CARHSP1: variants seen among roughly 807,000 people sequenced by gnomAD.
CARHSP1 encodes the protein calcium-regulated heat-stable protein 1.
A neutral mutation model predicts 12.5 loss-of-function variants in CARHSP1; 14 were observed. That is an observed-to-expected ratio of 1.12 (90% CI 0.74 to 1.75). The LOEUF (loss-of-function observed/expected upper bound fraction) is 1.75, where lower values mean the gene tolerates loss of function less well. Among genes scored for constraint, CARHSP1 ranks in the 40% most tolerant of loss-of-function variants. The pLI is 0.00. For missense variants in CARHSP1, 343 were observed against 201.6 expected (o/e 1.70, Z -4.25); for synonymous variants, 161 against 82.0 (o/e 1.96, Z -5.20).
chr16:8,865,181 T>C (rs1402507780), intron 1 of CARHSP1, among the ~76,000 whole-genome samples: 1 of 152,176 alleles, frequency 6.6e-6, no homozygotes, highest in African/African-American at 2.4e-5. Context: ...CAATCTCAGC[T>C]CACTGCAGAC....
chr16:8,865,018 C>T (rs2061431141), intron 1 of CARHSP1, among the ~76,000 whole-genome samples: 1 of 152,214 alleles, frequency 6.6e-6, no homozygotes, highest in Non-Finnish European at 1.5e-5. Context: ...CAATGGGAGC[C>T]AAGCAGCCCT....
chr16:8,864,362 T>C (rs1220223060), intron 1 of CARHSP1, among the ~76,000 whole-genome samples: 1 of 152,158 alleles, frequency 6.6e-6, no homozygotes, highest in Non-Finnish European at 1.5e-5. Context: ...CTTGATGAAC[T>C]CTGCCACTTC....
chr16:8,858,143 C>G (rs1392973524), intron 3 of CARHSP1: 1 of 613,326 alleles, frequency 1.6e-6, no homozygotes, highest in Non-Finnish European at 2.8e-6. Context: ...GCCTCACATC[C>G]CCCAACACAG....
At chr16:8,865,200 C>T (rs187671666) in intron 1 of CARHSP1, among the ~76,000 whole-genome samples, 78 of 152,292 alleles carry the variant, frequency 5.1e-4, no homozygotes, top group Admixed American at 1.4e-3. Flanking sequence ...ACCCCCGCCC[C>T]CCAGGTTCAA....
At position 8,853,164 on chromosome 16, in the gene CARHSP1, A is replaced by ACAGGAAGGACAGAGTAAGAGCCG. The variant is rs2060992010; in HGVS notation, c.*1977_*1999dup. On this transcript the variant is annotated 3_prime_UTR_variant, in exon 4 of 4. Transcript: ENST00000311052. ...CATTGATTGAAAGAGCTGTGGCCAA[A>ACAGGAAGGACAGAGTAAGAGCCG]CAGGAAGGACAGAGTAAGAGCCGCT... 1 of 152,030 alleles carries ACAGGAAGGACAGAGTAAGAGCCG rather than the reference A, an allele frequency of 6.6e-6. No individual in the cohort carries two copies. Among genetic ancestry groups the ACAGGAAGGACAGAGTAAGAGCCG allele is most frequent in the East Asian group, 1.9e-4 (1 of 5,168 alleles). 9.4% of individuals were successfully genotyped at this position (152,030 alleles called of 1,614,324 possible). A position where few individuals can be genotyped will look rare whatever the true frequency, so the allele number is the denominator to read the frequency against.
chr16:8,858,574 A>C (rs2061232190), intron 2 of CARHSP1, 102 bp from the exon 3 acceptor site: 2 of 1,439,136 alleles, frequency 1.4e-6, no homozygotes, highest in Non-Finnish European at 1.9e-6. Flanking sequence ...AGCCCTGGCC[A>C]GGACCGCCAT....
intron 1 of CARHSP1, among the ~76,000 whole-genome samples, chr16:8,864,161 GTGTA>G (rs1331836626): frequency 5.3e-5 from 8 of 152,212 alleles, no homozygotes; most frequent in Admixed American, 1.3e-4. Context: ...GTATGCACAT[GTGTA>G]TGTGTGTGCT....
At chr16:8,858,647 T>A (rs540992546) in intron 2 of CARHSP1, 175 bp from the exon 3 acceptor site, 2 of 743,626 alleles carry the variant, frequency 2.7e-6, no homozygotes, top group South Asian at 4.1e-5. Context: ...ACAAAGACGC[T>A]GGGGGAAAGG....
chr16:8,866,104 C>CT (rs1403257386), intron 1 of CARHSP1, among the ~76,000 whole-genome samples: 6 of 152,200 alleles, frequency 3.9e-5, no homozygotes, highest in Non-Finnish European at 5.9e-5. Flanking sequence ...CAGGCGTGTG[C>CT]TACCACACCC....
chr16:8,866,054 A>G (rs2061449353), intron 1 of CARHSP1, among the ~76,000 whole-genome samples: 1 of 152,120 alleles, frequency 6.6e-6, no homozygotes. Context: ...CCTGGGCTCA[A>G]GGGATCCTCT....
chr16:8,855,054 T>A lies in CARHSP1; in HGVS notation c.*110A>T. 148 of 717,640 alleles carry A rather than the reference T, an allele frequency of 2.1e-4. No individual in the cohort carries two copies. The highest frequency in any genetic ancestry group is 7.3e-4 in the East Asian group (11 of 15,126). The allele number at this position is 717,640 out of a possible 1,614,324, so 44.5% of individuals were successfully genotyped here. ...TCCAGGAGATACTTGAGAGGGACCA[T>A]GCCCGGCTGAAGCCCCGTCTCGTGT... On this transcript the variant is annotated 3_prime_UTR_variant, in exon 4 of 4. Coordinates refer to ENST00000311052, the MANE Select transcript of CARHSP1 (RefSeq NM_014316.4).
chr16:8,860,208 T>G, intron 1 of CARHSP1: 1 of 985,072 alleles, frequency 1.0e-6, no homozygotes, highest in Middle Eastern at 5.2e-4. Context: ...CACCCAGGAC[T>G]GGGGGGCCTG....
intron 3 of CARHSP1, among the ~76,000 whole-genome samples, chr16:8,856,007 CCAT>C (rs2061091114): frequency 6.6e-6 from 1 of 151,816 alleles, no homozygotes; most frequent in Non-Finnish European, 1.5e-5. Flanking sequence ...CAGGGTTTCA[CCAT>C]GTTAGCCAGG....
chr16:8,867,071 G>C (rs865842535), intron 1 of CARHSP1, among the ~76,000 whole-genome samples: 1 of 152,054 alleles, frequency 6.6e-6, no homozygotes, highest in African/African-American at 2.4e-5. Context: ...ACCCAGCAGG[G>C]AGACGGTCAC....
chr16:8,858,172 CCCCAA>C (rs1230737775), intron 3 of CARHSP1, 173 bp downstream of exon 3: 17 of 733,556 alleles, frequency 2.3e-5, no homozygotes, highest in Non-Finnish European at 3.5e-5. Context: ...AGTCTCACAA[CCCCAA>C]CCCAACACAC....
chr16:8,865,386 A>G (rs1006525191), intron 1 of CARHSP1, among the ~76,000 whole-genome samples: 3 of 152,208 alleles, frequency 2.0e-5, no homozygotes, highest in Non-Finnish European at 4.4e-5. Flanking sequence ...CTCGGATTAC[A>G]GGCATGAGCC....
intron 1 of CARHSP1, among the ~76,000 whole-genome samples, chr16:8,862,482 C>A (rs183414185): frequency 1.3e-5 from 2 of 152,094 alleles, no homozygotes; most frequent in Non-Finnish European, 2.9e-5. Flanking sequence ...GAACTTGAAG[C>A]CAGAGAATAA....
intron 1 of CARHSP1, among the ~76,000 whole-genome samples, chr16:8,862,815 C>A (rs149761615): frequency 7.9e-5 from 12 of 152,298 alleles, no homozygotes; most frequent in African/African-American, 2.9e-4. Context: ...GCCGCGTCAT[C>A]ATCATCATCA....
rs1472272366 is a variant in CARHSP1 at position 8,854,167 on chromosome 16, A to C, written c.*997T>G. ...GTGAAAGCTTTAGTTATGAAAAATA[A>C]GAAAAAAAAAATCCCTAAGCATTTC... is the stretch of plus-strand genomic sequence containing the variant. On this transcript the variant is annotated 3_prime_UTR_variant, in exon 4 of 4. Coordinates refer to ENST00000311052, the MANE Select transcript of CARHSP1 (RefSeq NM_014316.4). 6.6e-6 allele frequency: 1 copy of C among 151,184 alleles called. No homozygotes were observed. Among genetic ancestry groups the C allele is most frequent in the African/African-American group, 2.4e-5 (1 of 41,336 alleles). 9.4% of individuals were successfully genotyped at this position (151,184 alleles called of 1,614,324 possible). A position where few individuals can be genotyped will look rare whatever the true frequency, so the allele number is the denominator to read the frequency against.
Sources: allele counts gnomAD v4.1 joint callset (sites outside exome capture counted in the v4.1 genomes callset), GRCh38; gene constraint gnomAD v4.1.1; transcripts MANE v1.5; gene names NCBI Gene and HGNC (gene_info 2026-07-23, HGNC 2026-07-21).